Variants in C5 observed in about 807,000 individuals in gnomAD.
C5 encodes complement C5, also known as C3 and PZP-like alpha-2-macroglobulin domain-containing protein 4.
A neutral mutation model predicts 218.8 loss-of-function variants in C5; 140 were observed. The ratio of observed to expected loss-of-function variants is 0.64; its 90% CI spans 0.56 to 0.74. C5 has a LOEUF of 0.74. Among genes scored for constraint, C5 ranks in the 30% least tolerant of loss-of-function variants. The pLI is 0.00. For synonymous variants in C5, 614 were observed against 682.3 expected (o/e 0.90, Z 1.56); for missense variants, 1,700 against 1,969.6 (o/e 0.86, Z 2.59).
intron 20 of C5, among the ~76,000 whole-genome samples, chr9:121,002,229 T>TAC (rs1564146400): frequency 1.1e-4 from 7 of 61,224 alleles, no homozygotes; most frequent in East Asian, 9.9e-4. Context: ...TATATATATA[T>TAC]GTATATATGT....
intron 17 of C5, among the ~76,000 whole-genome samples, chr9:121,011,011 C>A (rs1180192584): frequency 6.6e-6 from 1 of 152,170 alleles, no homozygotes; most frequent in East Asian, 1.9e-4. Flanking sequence ...ACTCTAAGAC[C>A]TCTAACTATA....
intron 2 of C5, among the ~76,000 whole-genome samples, chr9:121,043,700 C>CAT (rs1554725965): frequency 8.3e-6 from 1 of 120,662 alleles, no homozygotes; most frequent in African/African-American, 3.1e-5. Context: ...GTCCAGCTAA[C>CAT]TTTTTTTTTT....
intron 16 of C5, among the ~76,000 whole-genome samples, chr9:121,014,410 A>G (rs1019158817): frequency 6.6e-6 from 1 of 152,242 alleles, no homozygotes; most frequent in Non-Finnish European, 1.5e-5. Flanking sequence ...AATAAGTTAA[A>G]TATCCAAGAA....
chr9:121,007,759 G>A (rs1447131180), intron 18 of C5, among the ~76,000 whole-genome samples: 1 of 152,194 alleles, frequency 6.6e-6, no homozygotes, highest in Non-Finnish European at 1.5e-5. Flanking sequence ...CTGGTAGTGT[G>A]GGGAGCAGTG....
intron 29 of C5, 84 bp downstream of exon 29, chr9:120,976,616 C>A: frequency 9.0e-7 from 1 of 1,113,338 alleles, no homozygotes; most frequent in African/African-American, 1.5e-5. Context: ...ATTTGGTGGA[C>A]AAAGGCATGG....
intron 20 of C5, among the ~76,000 whole-genome samples, chr9:121,004,305 C>T (rs910128318): frequency 6.6e-6 from 1 of 151,880 alleles, no homozygotes; most frequent in Non-Finnish European, 1.5e-5. Context: ...TGGAATTTTA[C>T]AATCATGAAA....
intron 23 of C5, 101 bp from the exon 24 acceptor site, chr9:120,989,881 T>G (rs1419237930): frequency 2.2e-6 from 2 of 915,238 alleles, no homozygotes; most frequent in African/African-American, 1.6e-5. Context: ...GTTCTTCCCT[T>G]TTTATCTAGG....
chr9:121,063,322 A>AT, the C5 span, among the ~76,000 whole-genome samples: 92 of 151,578 alleles, frequency 6.1e-4, no homozygotes, highest in African/African-American at 1.9e-3. Flanking sequence ...TCCCTATTGA[A>AT]TTTTTTATTT....
Position 121,005,806 on chromosome 9 carries a change from A to G in C5, c.2562+113T>C. On this transcript the variant is annotated intron_variant, in intron 20 of 40. Transcript: ENST00000223642. ...TGCTCATTTTAAGTGTTTGGTTTCT[A>G]TTGCTGAACTGAGTTGAACTTCTAC... 4 of 1,037,522 alleles carry G rather than the reference A, an allele frequency of 3.9e-6. No individual in the cohort carries two copies. The South Asian group carries it at 5.3e-5, about 14-fold the overall frequency. The allele number at this position is 1,037,522 out of a possible 1,614,324, so 64.3% of individuals were successfully genotyped here.
intron 5 of C5, 54 bp downstream of exon 5, chr9:121,034,749 G>A: frequency 1.0e-6 from 1 of 964,806 alleles, no homozygotes; most frequent in Non-Finnish European, 1.7e-6. Flanking sequence ...CTGGTTACCT[G>A]CTTCTTCACC....
chr9:121,024,887 A>C (rs185801042), intron 9 of C5, among the ~76,000 whole-genome samples: 3 of 152,344 alleles, frequency 2.0e-5, no homozygotes, highest in Admixed American at 2.0e-4. Context: ...TCTGTTTGGC[A>C]ATACTTTAAA....
At chr9:120,953,617 A>C (rs531706595) in intron 40 of C5, 113 bp downstream of exon 40, 4 of 1,106,914 alleles carry the variant, frequency 3.6e-6, no homozygotes, top group Middle Eastern at 2.8e-4. Flanking sequence ...TATTTAGTTC[A>C]AAATGGTTTG....
chr9:121,046,310 T>C lies in C5; in HGVS notation c.139A>G (p.Thr47Ala), dbSNP rs2047627161. 1 of 1,611,328 alleles carries C rather than the reference T, an allele frequency of 6.2e-7. No homozygotes were observed. The highest frequency in any genetic ancestry group is 8.5e-7 in the Non-Finnish European group (1 of 1,177,678). ...ENIVIQVYGY[T>A]EAFDATISIK... ...GAGATTGTTGCATCAAATGCTTCAG[T>C]GTATCCATAAACTTGAATCACAATA... Residue 47 changes from threonine (T) to alanine (A), a missense_variant, in exon 2 of 41, where the codon ACT becomes GCT. Coordinates refer to ENST00000223642, the MANE Select transcript of C5 (RefSeq NM_001735.3).
intron 17 of C5, among the ~76,000 whole-genome samples, chr9:121,012,905 G>T (rs981134211): frequency 6.6e-6 from 1 of 152,186 alleles, no homozygotes; most frequent in South Asian, 2.1e-4. Flanking sequence ...GAAAAAATAC[G>T]GTATTATAAT....
chr9:121,017,496 C>G lies in C5; in HGVS notation c.1732G>C (p.Asp578His). The G allele has an allele frequency of 6.2e-7, 1 of 1,613,776 alleles. No individual in the cohort carries two copies. The highest frequency in any genetic ancestry group is 8.5e-7 in the Non-Finnish European group (1 of 1,179,916). ...TGGCCTGGAGAATATGCATCTGCAT[C>G]AGGAGACAGATGAACCTAAAAGTTC... ...GNQLQVHLSPDADAYSPGQTV... is the reference protein window; with the variant it reads ...GNQLQVHLSPHADAYSPGQTV... Residue 578 changes from aspartate to histidine, a missense_variant, in exon 14 of 41, where the codon GAT becomes CAT. By Grantham distance (81) the Asp-to-His change is moderately conservative (BLOSUM62 -1). Coordinates refer to ENST00000223642, the MANE Select transcript of C5 (RefSeq NM_001735.3).
chr9:121,002,257 TA>T, intron 20 of C5, among the ~76,000 whole-genome samples: 1 of 105,124 alleles, frequency 9.5e-6, no homozygotes, highest in African/African-American at 4.8e-5. Flanking sequence ...TATATATGTA[TA>T]TATGTATATA....
At chr9:121,065,595 C>T in the C5 span, among the ~76,000 whole-genome samples, 1 of 152,178 alleles carries the variant, frequency 6.6e-6, no homozygotes, top group Non-Finnish European at 1.5e-5. Context: ...AAGCGATTCT[C>T]CCAACTCAGC....
intron 30 of C5, 100 bp downstream of exon 30, chr9:120,974,679 T>A: frequency 1.8e-6 from 2 of 1,120,818 alleles, no homozygotes; most frequent in Admixed American, 3.4e-5. Flanking sequence ...TCAATATATG[T>A]TTAAGTAGTG....
At chr9:120,969,253 TTTAG>T in intron 32 of C5, 135 bp from the exon 33 acceptor site, 2 of 757,830 alleles carry the variant, frequency 2.6e-6, no homozygotes, top group Non-Finnish European at 4.7e-6. Context: ...GATTTGGAAG[TTTAG>T]ATACTTTCAG....
Sources: allele counts gnomAD v4.1 joint callset (sites outside exome capture counted in the v4.1 genomes callset), GRCh38; gene constraint gnomAD v4.1.1; transcripts MANE v1.5; gene names NCBI Gene and HGNC (gene_info 2026-07-23, HGNC 2026-07-21).